The following SMYD3 variants were observed in gnomAD, a reference collection of about 807,000 sequenced individuals.
SMYD3 encodes the protein SET and MYND domain containing 3, also known as histone-lysine N-methyltransferase SMYD3.
A neutral mutation model predicts 57.7 loss-of-function variants in SMYD3; 36 were observed. The observed-to-expected ratio is 0.62, with a 90% CI of 0.48 to 0.82. The LOEUF (loss-of-function observed/expected upper bound fraction) is 0.82, where lower values mean the gene tolerates loss of function less well. Ranked by LOEUF, SMYD3 falls within the 40% of genes least tolerant of loss-of-function variation. The pLI, the probability that SMYD3 is intolerant of heterozygous loss-of-function variation, is 0.00. For missense variants in SMYD3, 515 were observed against 538.8 expected (o/e 0.96, Z 0.44); for synonymous variants, 211 against 195.0 (o/e 1.08, Z -0.68).
At chr1:246,346,943 G>T (rs1435805012) in intron 2 of SMYD3, among the ~76,000 whole-genome samples, 1 of 152,150 alleles carries the variant, frequency 6.6e-6, no homozygotes, top group Non-Finnish European at 1.5e-5. Context: ...GAGACAGCAT[G>T]CAAGAACAGA....
chr1:246,078,467 G>GT (rs1220729135), intron 5 of SMYD3, among the ~76,000 whole-genome samples: 3 of 152,178 alleles, frequency 2.0e-5, no homozygotes, highest in African/African-American at 7.2e-5. Context: ...CGGCCTTCTT[G>GT]TTCCACTTCT....
chr1:246,458,438 CTTTTTTTTTTTT>C (rs35956400), intron 1 of SMYD3, among the ~76,000 whole-genome samples: 1 of 62,062 alleles, frequency 1.6e-5, no homozygotes, highest in East Asian at 6.1e-4. Context: ...AAAAGTCATT[CTTTTTTTTTTTT>C]TTTTTTTTTT....
chr1:245,791,749 G>A (rs896394857), intron 10 of SMYD3, among the ~76,000 whole-genome samples: 8 of 152,236 alleles, frequency 5.3e-5, no homozygotes, highest in Middle Eastern at 3.4e-3. Context: ...GATACGCAGA[G>A]GTCACATGTG....
At chr1:246,356,582 T>C (rs2065912882) in intron 1 of SMYD3, among the ~76,000 whole-genome samples, 1 of 152,016 alleles carries the variant, frequency 6.6e-6, no homozygotes, top group Non-Finnish European at 1.5e-5. Flanking sequence ...TTCAGTGAAA[T>C]AGCATAAATA....
At chr1:246,026,861 G>A (rs916025790) in intron 5 of SMYD3, among the ~76,000 whole-genome samples, 2 of 152,186 alleles carry the variant, frequency 1.3e-5, no homozygotes, top group Non-Finnish European at 2.9e-5. Flanking sequence ...AAATGATGAA[G>A]CTCAGTGAGG....
chr1:245,796,687 A>G (rs2047535966), intron 10 of SMYD3, among the ~76,000 whole-genome samples: 1 of 152,240 alleles, frequency 6.6e-6, no homozygotes, highest in Non-Finnish European at 1.5e-5. Context: ...GATACGCACA[A>G]AACTCTTGCA....
intron 1 of SMYD3, 59 bp downstream of exon 1, chr1:246,506,995 C>CCCCCCCCCCCCCCCCCCCCCA: frequency 2.4e-6 from 2 of 825,154 alleles, no homozygotes; most frequent in East Asian, 4.9e-5. Context: ...CGACGCCCCC[C>CCCCCCCCCCCCCCCCCCCCCA]CCTCCCCAGC....
chr1:246,390,401 A>G (rs368584043), intron 1 of SMYD3, among the ~76,000 whole-genome samples: 96 of 152,190 alleles, frequency 6.3e-4, no homozygotes, highest in African/African-American at 2.1e-3. Context: ...TGGACAGTAC[A>G]TGACAAAAAT....
intron 5 of SMYD3, among the ~76,000 whole-genome samples, chr1:246,130,933 G>A (rs894662398): frequency 3.3e-5 from 5 of 152,114 alleles, no homozygotes; most frequent in Non-Finnish European, 5.9e-5. Flanking sequence ...GAGCACTGAA[G>A]CAACCCCACA....
chr1:245,817,555 T>C (rs1416207678), intron 10 of SMYD3, among the ~76,000 whole-genome samples: 1 of 152,068 alleles, frequency 6.6e-6, no homozygotes, highest in African/African-American at 2.4e-5. Flanking sequence ...GAGAATGACT[T>C]TGATGACCTG....
intron 5 of SMYD3, among the ~76,000 whole-genome samples, chr1:246,272,892 T>C (rs945602034): frequency 6.6e-6 from 1 of 152,190 alleles, no homozygotes; most frequent in African/African-American, 2.4e-5. Flanking sequence ...TTTGGTAGAA[T>C]TCACCTGTGA....
At chr1:246,480,112 T>C (rs766543175) in intron 1 of SMYD3, among the ~76,000 whole-genome samples, 1 of 152,234 alleles carries the variant, frequency 6.6e-6, no homozygotes, top group Non-Finnish European at 1.5e-5. Flanking sequence ...CATAGAGCTA[T>C]AATTTGCAAA....
At chr1:246,160,755 CAT>C (rs2062104144) in intron 5 of SMYD3, among the ~76,000 whole-genome samples, 1 of 152,202 alleles carries the variant, frequency 6.6e-6, no homozygotes, top group Admixed American at 6.5e-5. Flanking sequence ...CAAGCTCTCA[CAT>C]GGGGGACAGC....
chr1:245,876,104 G>A lies in SMYD3; in HGVS notation c.814-12218C>T, dbSNP rs113309133. Among the ~76,000 whole-genome samples, 8 of 152,274 alleles carry A rather than the reference G, an allele frequency of 5.3e-5. 1 individual carries two copies. The highest frequency in any genetic ancestry group is 1.9e-4 in the African/African-American group (8 of 41,542). ...TACTTCCTCCCCTATGCTACCAAGA[G>A]TGTGCAAACACACAGATACCCACAG... is the stretch of plus-strand genomic sequence containing the variant. On this transcript the variant is annotated intron_variant, in intron 8 of 11. Transcript: ENST00000490107.
chr1:246,330,908 G>A (rs1470700651), intron 3 of SMYD3, among the ~76,000 whole-genome samples: 1 of 152,192 alleles, frequency 6.6e-6, no homozygotes, highest in African/African-American at 2.4e-5. Flanking sequence ...GCCGAGGCAG[G>A]CAGATTGCTT....
At chr1:246,258,529 A>T (rs1258866072) in intron 5 of SMYD3, among the ~76,000 whole-genome samples, 1 of 152,194 alleles carries the variant, frequency 6.6e-6, no homozygotes, top group Admixed American at 6.5e-5. Context: ...TTCTTTAAAA[A>T]TGCTGAAAAT....
At chr1:246,384,938 A>G (rs1374500600) in intron 1 of SMYD3, among the ~76,000 whole-genome samples, 1 of 152,172 alleles carries the variant, frequency 6.6e-6, no homozygotes, top group African/African-American at 2.4e-5. Flanking sequence ...GGGACATTAC[A>G]TAATATTCTC....
intron 5 of SMYD3, among the ~76,000 whole-genome samples, chr1:246,036,967 G>C (rs775235014): frequency 3.3e-5 from 5 of 152,068 alleles, no homozygotes; most frequent in Non-Finnish European, 7.4e-5. Flanking sequence ...AGGACACAAA[G>C]AGCTTCCTCA....
At chr1:246,165,315 G>T (rs2062189294) in intron 5 of SMYD3, among the ~76,000 whole-genome samples, 1 of 152,178 alleles carries the variant, frequency 6.6e-6, no homozygotes, top group African/African-American at 2.4e-5. Context: ...GATAAGTAGA[G>T]GAAGAGGTGG....
Sources: gnomAD v4.1 joint callset for allele counts (sites outside exome capture counted in the v4.1 genomes callset) on GRCh38, gnomAD v4.1.1 for gene constraint, MANE v1.5 for transcripts, NCBI Gene and HGNC (gene_info 2026-07-23, HGNC 2026-07-21) for gene names.